Variants in PHF24 observed in about 807,000 individuals in gnomAD.
PHF24 encodes PHD finger protein 24.
PHF24 carries 25 observed loss-of-function variants against 42.6 expected under a neutral mutation model. The observed-to-expected ratio is 0.59, with a 90% CI of 0.43 to 0.82. The LOEUF (loss-of-function observed/expected upper bound fraction) is 0.82, where lower values mean the gene tolerates loss of function less well. Among genes scored for constraint, PHF24 ranks in the 40% least tolerant of loss-of-function variants. The probability of loss-of-function intolerance (pLI) is 0.00; values close to 1 mark genes in which losing one functional copy is unlikely to be tolerated. For synonymous variants in PHF24, 185 were observed against 204.8 expected (o/e 0.90, Z 0.83); for missense variants, 470 against 538.1 (o/e 0.87, Z 1.25).
the PHF24 span, among the ~76,000 whole-genome samples, chr9:34,904,648 G>A: frequency 4.6e-5 from 7 of 150,930 alleles, no homozygotes; most frequent in Non-Finnish European, 1.0e-4. Context: ...AAGGATTTTA[G>A]CATCTATACT....
At chr9:34,930,932 C>G in the PHF24 span, among the ~76,000 whole-genome samples, 1 of 152,050 alleles carries the variant, frequency 6.6e-6, no homozygotes, top group Admixed American at 6.5e-5. Flanking sequence ...ATTGTAATCC[C>G]CAATGTTGGA....
At chr9:34,876,549 A>G in the PHF24 span, among the ~76,000 whole-genome samples, 3 of 152,220 alleles carry the variant, frequency 2.0e-5, no homozygotes, top group African/African-American at 7.2e-5. Flanking sequence ...CAGTCTCCAA[A>G]GAAGATACAC....
At chr9:34,909,214 C>T in the PHF24 span, among the ~76,000 whole-genome samples, 1 of 152,274 alleles carries the variant, frequency 6.6e-6, no homozygotes, top group Middle Eastern at 3.4e-3. Flanking sequence ...CTCTCAGGCT[C>T]AAGCTTCCTA....
the PHF24 span, among the ~76,000 whole-genome samples, chr9:34,902,518 A>G: frequency 6.6e-6 from 1 of 152,106 alleles, no homozygotes; most frequent in African/African-American, 2.4e-5. Context: ...ACGTGGTGGC[A>G]TGCATCTGTA....
At chr9:34,938,378 C>A in the PHF24 span, among the ~76,000 whole-genome samples, 2 of 152,130 alleles carry the variant, frequency 1.3e-5, no homozygotes, top group African/African-American at 4.8e-5. Flanking sequence ...CAAATGTAGT[C>A]AAAAACTCCT....
At chr9:34,976,863 C>G in intron 5 of PHF24, 123 bp downstream of exon 5, 1 of 949,248 alleles carries the variant, frequency 1.1e-6, no homozygotes, top group Non-Finnish European at 1.6e-6. Flanking sequence ...GGAATGGGCT[C>G]AGGTTCCATC....
At chr9:34,749,075 T>A in the PHF24 span, among the ~76,000 whole-genome samples, 2 of 152,002 alleles carry the variant, frequency 1.3e-5, no homozygotes, top group African/African-American at 2.4e-5. Context: ...TACTGAGGAA[T>A]GCATCTGTCT....
the PHF24 span, chr9:34,889,140 C>G: frequency 2.5e-6 from 1 of 398,474 alleles, no homozygotes; most frequent in East Asian, 3.6e-5. Flanking sequence ...GCAATGAAAG[C>G]CTTTTTCAGG....
chr9:34,830,995 A>C, the PHF24 span, among the ~76,000 whole-genome samples: 1 of 152,228 alleles, frequency 6.6e-6, no homozygotes, highest in African/African-American at 2.4e-5. Flanking sequence ...CCAGAGTCCC[A>C]CCACCTCAGT....
intron 4 of PHF24, 119 bp downstream of exon 4, chr9:34,976,349 C>T: frequency 9.8e-7 from 1 of 1,023,142 alleles, no homozygotes; most frequent in Non-Finnish European, 1.5e-6. Context: ...TAAATGAGTC[C>T]TTGTTCCTGA....
the PHF24 span, chr9:34,728,068 G>A: frequency 0.023 from 36,264 of 1,551,688 alleles, 876 homozygotes; most frequent in African/African-American, 0.12. Flanking sequence ...GCTTCTTCCC[G>A]GGAACGTCTC....
the PHF24 span, among the ~76,000 whole-genome samples, chr9:34,881,654 A>T: frequency 6.6e-6 from 1 of 152,202 alleles, no homozygotes; most frequent in Non-Finnish European, 1.5e-5. Flanking sequence ...TCCCAAGACT[A>T]AACCAGGAAG....
At chr9:34,951,476 G>A in the PHF24 span, among the ~76,000 whole-genome samples, 3 of 152,216 alleles carry the variant, frequency 2.0e-5, no homozygotes, top group Non-Finnish European at 4.4e-5. Context: ...AGAAGTCAGA[G>A]TGATGTGATG....
At chr9:34,689,988 G>T in the PHF24 span, 1 of 1,614,124 alleles carries the variant, frequency 6.2e-7, no homozygotes. The surrounding 1 kb of genome is among the most constrained non-coding windows in gnomAD (Gnocchi z 4.1). Context: ...CTGGTCTGGG[G>T]GTGCACAGAG....
the PHF24 span, among the ~76,000 whole-genome samples, chr9:34,886,826 G>GTATCTATCTATC: frequency 4.5e-3 from 360 of 80,882 alleles, 1 homozygote; most frequent in African/African-American, 9.2e-3. Flanking sequence ...ATGTATCTAT[G>GTATCTATCTATC]TATCTATGTA....
At chr9:34,822,285 CT>C in the PHF24 span, among the ~76,000 whole-genome samples, 1 of 152,070 alleles carries the variant, frequency 6.6e-6, no homozygotes, top group African/African-American at 2.4e-5. Context: ...TGCCTTCTGC[CT>C]GAAGGACTTT....
At chr9:34,864,036 C>T in the PHF24 span, among the ~76,000 whole-genome samples, 1 of 152,072 alleles carries the variant, frequency 6.6e-6, no homozygotes, top group Admixed American at 6.5e-5. Context: ...CTTCTAATAG[C>T]AGAATTGATG....
chr9:34,782,508 A>G, the PHF24 span, among the ~76,000 whole-genome samples: 1 of 152,150 alleles, frequency 6.6e-6, no homozygotes, highest in East Asian at 1.9e-4. Context: ...TGAATGCCAT[A>G]TGGCTAAAAA....
At chr9:34,967,300 C>G (rs1826811306) in intron 1 of PHF24, among the ~76,000 whole-genome samples, 1 of 152,174 alleles carries the variant, frequency 6.6e-6, no homozygotes, top group Non-Finnish European at 1.5e-5. Context: ...GTCATGAAAT[C>G]ATTTCAGAGA....
Sources: allele counts gnomAD v4.1 joint callset (sites outside exome capture counted in the v4.1 genomes callset), GRCh38; gene constraint gnomAD v4.1.1; non-coding constraint Gnocchi (gnomAD v3.1); transcripts MANE v1.5; gene names NCBI Gene and HGNC (gene_info 2026-07-23, HGNC 2026-07-21).